Variants in ACAN observed in about 807,000 individuals in gnomAD.
ACAN encodes aggrecan, also known as aggrecan core protein.
Under a neutral mutation model 169.1 loss-of-function variants are expected in ACAN, and 47 were observed. That is an observed-to-expected ratio of 0.28 (90% confidence interval 0.22 to 0.35). ACAN has a LOEUF of 0.35. Among genes scored for constraint, ACAN ranks in the 10% least tolerant of loss-of-function variants. ACAN has a pLI of 1.00. For synonymous variants in ACAN, 1,115 were observed against 1,112.2 expected, an observed-to-expected ratio of 1.00 and a Z score of -0.05; for missense variants, 2,716 against 2,759.9, an observed-to-expected ratio of 0.98 and a Z score of 0.36.
intron 12 of ACAN, 39 bp downstream of exon 12, chr15:88,859,456 G>A (rs757807160): frequency 1.0e-5 from 16 of 1,551,296 alleles, no homozygotes; most frequent in Non-Finnish European, 1.4e-5. Flanking sequence ...TGCTTAGGTA[G>A]TTCAGACTGT....
chr15:88,834,457 T>G (rs1227533912), intron 1 of ACAN, among the ~76,000 whole-genome samples: 1 of 152,078 alleles, frequency 6.6e-6, no homozygotes, highest in Non-Finnish European at 1.5e-5. Flanking sequence ...GGTGCCCCCC[T>G]CATCCCCAAA....
At chr15:88,847,818 A>G (rs923199953) in intron 8 of ACAN, 93 bp from the exon 9 acceptor site, 1 of 1,451,206 alleles carries the variant, frequency 6.9e-7, no homozygotes, top group Admixed American at 2.2e-5. Flanking sequence ...GACATCTCCA[A>G]GTCCCTGAGT....
In ACAN at chr15:88,851,808, C is replaced by T. The variant is rs1438546147; in HGVS notation, c.2041C>T (p.Pro681Ser). The T allele has an allele frequency of 4.4e-6, 7 of 1,598,426 alleles. No homozygotes were observed. The highest frequency in any genetic ancestry group is 6.0e-6 in the Non-Finnish European group (7 of 1,172,504). The change falls in exon 11 of 19, where the codon CCT (proline) becomes TCT (serine). Residue 681 changes from proline (P) to serine (S), a missense_variant. Physicochemically the swap from Pro to Ser is moderately conservative, Grantham distance 74. Transcript: ENST00000560601. The surrounding 1 kb of genome is among the most constrained non-coding windows in gnomAD (Gnocchi z 4.3). ...ATCTCCTTTAGGCATTTCAGCGGTT[C>T]CTTCTCCAGGAGAAGAAGAGGGTGG... The part of the protein sequence containing the change: ...AFCFRGISAV[P>S]SPGEEEGGTP...
intron 2 of ACAN, among the ~76,000 whole-genome samples, chr15:88,836,863 A>G (rs1896516660): frequency 6.6e-6 from 1 of 152,232 alleles, no homozygotes; most frequent in Non-Finnish European, 1.5e-5. Context: ...TTGACCCCAG[A>G]AGGGAAGGTA....
intron 7 of ACAN, among the ~76,000 whole-genome samples, chr15:88,846,907 G>T (rs966398272): frequency 2.0e-5 from 3 of 152,216 alleles, no homozygotes; most frequent in Admixed American, 6.5e-5. Context: ...CCTGTTCTAA[G>T]ATGACAGTGT....
chr15:88,851,706 A>C lies in ACAN; in HGVS notation c.2027-88A>C, dbSNP rs551731868. The C allele has an allele frequency of 6.9e-7, 1 of 1,452,494 alleles. No homozygotes were observed. Among genetic ancestry groups the C allele is most frequent in the South Asian group, 1.5e-5 (1 of 67,358 alleles). The allele number at this position is 1,452,494 out of a possible 1,614,324, so 90.0% of individuals were successfully genotyped here. A position where few individuals can be genotyped will look rare whatever the true frequency, so the allele number is the denominator to read the frequency against. The stretch of plus-strand genomic sequence containing the variant: ...AGGAGGTGGGGCCTGGCCACCTCAG[A>C]GTCCCCTAGCTCCCCTCAAGAAGGG... On this transcript the variant is annotated intron_variant, in intron 10 of 18. Coordinates refer to ENST00000560601, the MANE Select transcript of ACAN (RefSeq NM_001369268.1). This position sits in a 1 kb window ranked among gnomAD's most constrained non-coding sequence, Gnocchi z 4.3.
intron 1 of ACAN, among the ~76,000 whole-genome samples, chr15:88,809,231 T>G (rs929858531): frequency 6.6e-6 from 1 of 152,134 alleles, no homozygotes; most frequent in Non-Finnish European, 1.5e-5. Flanking sequence ...TGCCATAGTA[T>G]TCCCTCTGCT....
rs889904846 is a variant in ACAN at position 88,874,629 on chromosome 15, G to A, written c.*148G>A. 8 of 798,802 alleles carry A rather than the reference G, an allele frequency of 1.0e-5. No individual in the cohort carries two copies. The highest frequency in any genetic ancestry group is 2.0e-5 in the Admixed American group (1 of 49,654). 49.5% of individuals were successfully genotyped at this position (798,802 alleles called of 1,614,324 possible). Reference sequence around the variant, plus strand: ...GGAAAAAAATAAATCCCACATTTGTGTATGCACCCACTCACCCCTCCAAAT... The same window carrying A: ...GGAAAAAAATAAATCCCACATTTGTATATGCACCCACTCACCCCTCCAAAT... On this transcript the variant is annotated 3_prime_UTR_variant, in exon 19 of 19. Coordinates refer to ENST00000560601, the MANE Select transcript of ACAN (RefSeq NM_001369268.1). This position sits in a 1 kb window ranked among gnomAD's most constrained non-coding sequence, Gnocchi z 7.3.
intron 1 of ACAN, among the ~76,000 whole-genome samples, chr15:88,817,727 GC>G (rs1225724341): frequency 2.6e-5 from 4 of 151,734 alleles, no homozygotes; most frequent in African/African-American, 9.7e-5. Context: ...AGTGGTGCAT[GC>G]CTATAGTCCC....
At chr15:88,847,571 G>C (rs1896826817) in intron 8 of ACAN, among the ~76,000 whole-genome samples, 154 bp downstream of exon 8, 1 of 152,194 alleles carries the variant, frequency 6.6e-6, no homozygotes, top group Admixed American at 6.5e-5. Context: ...CCGAAAGGGT[G>C]GTGAAGGGCA....
Position 88,874,083 on chromosome 15 carries a change from T to TC in ACAN, c.7630+65dup. The TC allele has an allele frequency of 1.9e-6, 3 of 1,584,408 alleles. No individual in the cohort carries two copies. Among genetic ancestry groups the TC allele is most frequent in the African/African-American group, 1.3e-5 (1 of 74,374 alleles). Reference sequence around the variant, plus strand: ...GGGTTAGATTCTGCCAGCACAGCCTTCCCCCCGTCCCCTCTCCTGGGGACC... The same window carrying TC: ...GGGTTAGATTCTGCCAGCACAGCCTTCCCCCCCGTCCCCTCTCCTGGGGACC... On this transcript the variant is annotated intron_variant, in intron 18 of 18. Coordinates refer to ENST00000560601, the MANE Select transcript of ACAN (RefSeq NM_001369268.1). This position sits in a 1 kb window ranked among gnomAD's most constrained non-coding sequence, Gnocchi z 7.3.
intron 13 of ACAN, among the ~76,000 whole-genome samples, chr15:88,862,499 C>T (rs1040263378): frequency 3.3e-5 from 5 of 152,186 alleles, no homozygotes; most frequent in African/African-American, 1.2e-4. Context: ...GAAGCTTTAG[C>T]ATCTCCAAAG....
chr15:88,849,075 G>A lies in ACAN; in HGVS notation c.1733-363G>A, dbSNP rs1896865390. Reference sequence around the variant, plus strand: ...TGCAAAGGGATTGGAGGGGGCCCAGGCGAGCTGCCTCGCTTAGCCAAGGGA... The same window carrying A: ...TGCAAAGGGATTGGAGGGGGCCCAGACGAGCTGCCTCGCTTAGCCAAGGGA... On this transcript the variant is annotated intron_variant, in intron 9 of 18. Transcript: ENST00000560601. The surrounding 1 kb of genome is among the most constrained non-coding windows in gnomAD (Gnocchi z 5.1). Among the ~76,000 whole-genome samples, 2 of 152,338 alleles carry A rather than the reference G, an allele frequency of 1.3e-5. No homozygotes were observed. The highest frequency in any genetic ancestry group is 4.1e-4 in the South Asian group (2 of 4,828).
chr15:88,838,151 G>A lies in ACAN; in HGVS notation c.71-512G>A, dbSNP rs185787330. On this transcript the variant is annotated intron_variant, in intron 2 of 18. Transcript: ENST00000560601. This position sits in a 1 kb window ranked among gnomAD's most constrained non-coding sequence, Gnocchi z 5.1. ...ACAGCAGAAGAGAGTGACTTGTCCC[G>A]GTGGCAAAATCAGGCTCGCACCCAA... Among the ~76,000 whole-genome samples the A allele has an allele frequency of 1.1e-4, 16 of 152,102 alleles. No individual in the cohort carries two copies. The highest frequency in any genetic ancestry group is 2.1e-4 in the Non-Finnish European group (14 of 67,996).
intron 11 of ACAN, among the ~76,000 whole-genome samples, chr15:88,852,295 A>G (rs1350355962): frequency 1.3e-5 from 2 of 152,160 alleles, no homozygotes; most frequent in Non-Finnish European, 2.9e-5. Flanking sequence ...CCCTTGCATG[A>G]ACCCCCAAAT....
In ACAN at chr15:88,873,900, C is replaced by T; in HGVS notation, c.7506C>T (p.Asp2502=). The change falls in exon 18 of 19, where the codon GAC becomes GAT. Residue 2502 remains aspartate (D), a synonymous_variant. Coordinates refer to ENST00000560601, the MANE Select transcript of ACAN (RefSeq NM_001369268.1). This position sits in a 1 kb window ranked among gnomAD's most constrained non-coding sequence, Gnocchi z 7.5. ...EHARTFGQKK[D]RYEINSLVRY... is the part of the protein sequence containing the mutation. Reference sequence around the variant, plus strand: ...CCAGGACCTTCGGGCAGAAGAAGGACCGGTATGAGATCAATTCCCTGGTGC... The same window carrying T: ...CCAGGACCTTCGGGCAGAAGAAGGATCGGTATGAGATCAATTCCCTGGTGC... 2.5e-6 allele frequency: 4 copies of T among 1,613,846 alleles called. No individual in the cohort carries two copies. Among genetic ancestry groups the T allele is most frequent in the Non-Finnish European group, 2.5e-6 (3 of 1,179,898 alleles).
rs186480894 is a variant in ACAN, at chr15:88,847,191, A to G, written c.1430-52A>G. On this transcript the variant is annotated intron_variant, in intron 7 of 18. Coordinates refer to ENST00000560601, the MANE Select transcript of ACAN (RefSeq NM_001369268.1). ...CCCCTCTGTGCCCATGGAGCCTTGG[A>G]AGCTGCACACCGTGGGTCCCTGAAC... 8,085 of 1,482,672 alleles carry G rather than the reference A, an allele frequency of 5.5e-3. 362 individuals carry two copies. The African/African-American group carries it at 0.1, about 18-fold the overall frequency. The allele number at this position is 1,482,672 out of a possible 1,614,324, so 91.8% of individuals were successfully genotyped here.
Position 88,847,966 on chromosome 15 carries a change from G to A in ACAN, c.1660G>A (p.Gly554Arg). Residue 554 changes from glycine to arginine, a missense_variant, in exon 9 of 19, where the codon GGG becomes AGG. Coordinates refer to ENST00000560601, the MANE Select transcript of ACAN (RefSeq NM_001369268.1). The stretch of plus-strand genomic sequence containing the variant: ...CGTGGGTGACAAGGACAGCAGCCCA[G>A]GGGTCAGGACCTATGGCGTGCGCCC... ...PCVGDKDSSP[G>R]VRTYGVRPST... The A allele has an allele frequency of 1.2e-6, 2 of 1,613,918 alleles. No homozygotes were observed. The highest frequency in any genetic ancestry group is 1.6e-4 in the Middle Eastern group (1 of 6,062).
At chr15:88,815,655 TTAAAAAAAAAAAAAA>T (rs1420638524) in intron 1 of ACAN, among the ~76,000 whole-genome samples, 3 of 71,592 alleles carry the variant, frequency 4.2e-5, no homozygotes, top group Non-Finnish European at 7.7e-5. Flanking sequence ...TCTGCACTGA[TTAAAAAAAAAAAAAA>T]AAAAAAAAAA....
Sources: gnomAD v4.1 joint callset for allele counts (sites outside exome capture counted in the v4.1 genomes callset) on GRCh38, gnomAD v4.1.1 for gene constraint, Gnocchi (gnomAD v3.1) non-coding constraint, MANE v1.5 for transcripts, NCBI Gene and HGNC (gene_info 2026-07-23, HGNC 2026-07-21) for gene names.